GPSM2: variants seen among roughly 807,000 people sequenced by gnomAD.
GPSM2 encodes the protein G protein-signaling modulator 2.
A neutral mutation model predicts 78.4 loss-of-function variants in GPSM2; 58 were observed. The ratio of observed to expected loss-of-function variants is 0.74; its 90% CI spans 0.60 to 0.92. The LOEUF is 0.92. Ranked by LOEUF, GPSM2 falls within the 40% of genes least tolerant of loss-of-function variation. GPSM2 has a pLI of 0.00. For synonymous variants in GPSM2, 224 were observed against 280.2 expected (o/e 0.80, Z 2.00); for missense variants, 700 against 815.5 (o/e 0.86, Z 1.73).
Position 108,879,508 on chromosome 1 carries a change from G to GA in GPSM2, c.-249+2286dup, listed in dbSNP as rs1665789906. ...TCCAACTTGGCTATTCCTTTGTGGGGAAAAAATACCAGCAAGGTTCCCCAT... is the reference window on the plus strand; with the variant it reads ...TCCAACTTGGCTATTCCTTTGTGGGGAAAAAAATACCAGCAAGGTTCCCCAT... On this transcript the variant is annotated intron_variant, in intron 1 of 14. Coordinates refer to ENST00000264126, the MANE Select transcript of GPSM2 (RefSeq NM_013296.5). 2.0e-5 allele frequency among the ~76,000 whole-genome samples: 3 copies of GA among 152,260 alleles called. No individual in the cohort carries two copies. The South Asian group carries it at 6.2e-4, about 32-fold the overall frequency.
intron 13 of GPSM2, 124 bp from the exon 14 acceptor site, chr1:108,923,876 G>C (rs146473321): frequency 1.4e-6 from 1 of 723,604 alleles, no homozygotes; most frequent in Non-Finnish European, 2.5e-6. Context: ...ATAGCAGGAG[G>C]GCAGGGCGGG....
intron 3 of GPSM2, 129 bp from the exon 4 acceptor site, chr1:108,897,363 G>A (rs1181806556): frequency 2.4e-6 from 2 of 847,402 alleles, no homozygotes; most frequent in Admixed American, 2.6e-5. Context: ...CAAAGCCAAT[G>A]GGTTTTTCTT....
rs1407138048 is a variant in GPSM2, at chr1:108,898,982, C to T, written c.785C>T (p.Ser262Leu). 3.9e-6 allele frequency: 6 copies of T among 1,540,188 alleles called. No individual in the cohort carries two copies. Among genetic ancestry groups the T allele is most frequent in the Admixed American group, 3.3e-5 (2 of 59,906 alleles). The change falls in exon 7 of 15, where the codon TCG (serine) becomes TTG (leucine). Residue 262 changes from serine to leucine, a missense_variant. Coordinates refer to ENST00000264126, the MANE Select transcript of GPSM2 (RefSeq NM_013296.5). ...TTTCTTGGTGAATTTGAAACTGCCT[C>T]GGAATACTACAAGTTAGTCTAATAT... ...YIFLGEFETA[S>L]EYYKKTLLLA...
chr1:108,908,499 C>T (rs1014792396), intron 10 of GPSM2, among the ~76,000 whole-genome samples: 5 of 151,466 alleles, frequency 3.3e-5, no homozygotes, highest in African/African-American at 4.9e-5. Flanking sequence ...TTGGCTAACA[C>T]GGTGAAACCG....
chr1:108,899,161 G>A (rs1207503350), intron 7 of GPSM2, among the ~76,000 whole-genome samples, 167 bp downstream of exon 7: 1 of 152,146 alleles, frequency 6.6e-6, no homozygotes, highest in Non-Finnish European at 1.5e-5. Flanking sequence ...ATGCTGTGAG[G>A]ATTGAATGAA....
intron 10 of GPSM2, among the ~76,000 whole-genome samples, chr1:108,913,339 A>G (rs575851016): frequency 4.8e-4 from 73 of 152,330 alleles, no homozygotes; most frequent in African/African-American, 1.7e-3. Context: ...AATAAAATGG[A>G]TGATTTCCTA....
rs1200049122 is a variant in GPSM2 at position 108,933,568 on chromosome 1, CTT to C, written c.*3630_*3631del. On this transcript the variant is annotated 3_prime_UTR_variant, in exon 15 of 15. Transcript: ENST00000264126. ...AAATATCTGCATGAAAATTTAAAGACTTTATTCCTGACTGGTATCACTTTTAG... is the reference window on the plus strand; with the variant it reads ...AAATATCTGCATGAAAATTTAAAGACTATTCCTGACTGGTATCACTTTTAG... The C allele has an allele frequency of 2.6e-5, 4 of 152,360 alleles. No individual in the cohort carries two copies. Among genetic ancestry groups the C allele is most frequent in the South Asian group, 2.1e-4 (1 of 4,832 alleles). 9.4% of individuals were successfully genotyped at this position (152,360 alleles called of 1,614,324 possible).
At chr1:108,913,495 A>G (rs1288737675) in intron 10 of GPSM2, among the ~76,000 whole-genome samples, 1 of 152,226 alleles carries the variant, frequency 6.6e-6, no homozygotes, top group East Asian at 1.9e-4. Flanking sequence ...AGGTTTCTCA[A>G]AGATGGTTGC....
intron 2 of GPSM2, among the ~76,000 whole-genome samples, chr1:108,895,812 G>T (rs904347554): frequency 6.6e-6 from 1 of 152,028 alleles, no homozygotes; most frequent in Admixed American, 6.5e-5. Flanking sequence ...CCTGCCACCC[G>T]TCCATGGAAA....
chr1:108,929,005 A>T (rs1651420360), intron 14 of GPSM2, among the ~76,000 whole-genome samples: 1 of 145,638 alleles, frequency 6.9e-6, no homozygotes, highest in South Asian at 2.2e-4. Context: ...AAAAAAAAAA[A>T]AATTCATTCT....
intron 14 of GPSM2, among the ~76,000 whole-genome samples, chr1:108,924,845 G>A (rs963407594): frequency 2.6e-5 from 4 of 152,098 alleles, no homozygotes; most frequent in African/African-American, 4.8e-5. Context: ...TGATAAAGTC[G>A]TGTTTTAGAT....
At chr1:108,898,525 C>T (rs1430940297) in intron 5 of GPSM2, 117 bp from the exon 6 acceptor site, 10 of 863,262 alleles carry the variant, frequency 1.2e-5, no homozygotes, top group South Asian at 4.6e-5. Flanking sequence ...AAATGTTGCA[C>T]ATTATGGCTG....
rs781512168 is a variant in GPSM2, at chr1:108,922,518, G to C, written c.1542G>C (p.Lys514Asn). ...ATCAGAGATGTTGCTTACAAGAAAA[G>C]AACTGCCATACAGCTTCAACAACAA... ...MDDQRCCLQE[K>N]NCHTASTTTS... The change falls in exon 13 of 15, where the codon AAG becomes AAC. Residue 514 changes from lysine (K) to asparagine (N), a missense_variant. Transcript: ENST00000264126. 31 of 1,609,456 alleles carry C rather than the reference G, an allele frequency of 1.9e-5. No individual in the cohort carries two copies. Among genetic ancestry groups the C allele is most frequent in the Non-Finnish European group, 8.5e-7 (1 of 1,178,778 alleles).
At chr1:108,911,799 ATTTTTTTTTT>A (rs71069618) in intron 10 of GPSM2, among the ~76,000 whole-genome samples, 2 of 108,720 alleles carry the variant, frequency 1.8e-5, no homozygotes, top group Non-Finnish European at 3.5e-5. Flanking sequence ...TGGGAAGACA[ATTTTTTTTTT>A]TTTTTTTTTT....
At chr1:108,889,630 A>C (rs1346837951) in intron 2 of GPSM2, among the ~76,000 whole-genome samples, 1 of 152,164 alleles carries the variant, frequency 6.6e-6, no homozygotes, top group African/African-American at 2.4e-5. Context: ...ATGGGGAGGA[A>C]AGTCTTTGAA....
chr1:108,897,545 C>T lies in GPSM2; in HGVS notation c.332C>T (p.Thr111Ile). Residue 111 changes from threonine to isoleucine, a missense_variant, in exon 4 of 15, where the codon ACC (threonine) becomes ATC (isoleucine). By Grantham distance (89) the Thr-to-Ile change is moderately conservative. Transcript: ENST00000264126. Reference protein sequence around the residue: ...EAKASGNLGNTLKVLGNFDEA... With the variant: ...EAKASGNLGNILKVLGNFDEA... The stretch of plus-strand genomic sequence containing the variant: ...AAAGCTAGTGGTAATCTGGGAAACA[C>T]CTTAAAAGTTCTTGGGAATTTTGAC... 1 of 1,613,206 alleles carries T rather than the reference C, an allele frequency of 6.2e-7. No individual in the cohort carries two copies. The highest frequency in any genetic ancestry group is 8.5e-7 in the Non-Finnish European group (1 of 1,179,516).
In GPSM2 at chr1:108,898,041, A is replaced by T. The variant is rs759445588; in HGVS notation, c.497A>T (p.Asp166Val). 2 of 1,614,100 alleles carry T rather than the reference A, an allele frequency of 1.2e-6. No individual in the cohort carries two copies. The highest frequency in any genetic ancestry group is 2.7e-5 in the African/African-American group (2 of 75,060). Residue 166 changes from aspartate (D) to valine (V), a missense_variant, in exon 5 of 15, where the codon GAT becomes GTT. Asp to Val is a radical substitution (Grantham distance 152). Coordinates refer to ENST00000264126, the MANE Select transcript of GPSM2 (RefSeq NM_013296.5). ...GKSFGCPGPQ[D>V]VGEFPEEVRD... The stretch of plus-strand genomic sequence containing the variant: ...AGTTTTGGTTGCCCTGGTCCCCAGG[A>T]TGTAGGAGAATTTCCAGAAGAAGTG...
chr1:108,924,139 G>C lies in GPSM2; in HGVS notation c.1740G>C (p.Ser580=). ...TTCGTCTAACACAAAACAGCCAGTC[G>C]GTACTTAGCCACCTGATGACTAATG... ...PGLRLTQNSQ[S]VLSHLMTNDN... is the part of the protein sequence containing the mutation. Residue 580 remains serine, a synonymous_variant, in exon 14 of 15, where the codon TCG becomes TCC. Coordinates refer to ENST00000264126, the MANE Select transcript of GPSM2 (RefSeq NM_013296.5). 1 of 1,613,722 alleles carries C rather than the reference G, an allele frequency of 6.2e-7. No individual in the cohort carries two copies. Among genetic ancestry groups the C allele is most frequent in the South Asian group, 1.1e-5 (1 of 91,072 alleles).
At position 108,931,236 on chromosome 1, in the gene GPSM2, C is replaced by G. The variant is rs773286264; in HGVS notation, c.*1296C>G. 5.8e-6 allele frequency: 8 copies of G among 1,390,122 alleles called. No homozygotes were observed. Among genetic ancestry groups the G allele is most frequent in the Non-Finnish European group, 7.6e-6 (8 of 1,050,704 alleles). The allele number at this position is 1,390,122 out of a possible 1,614,324, so 86.1% of individuals were successfully genotyped here. Reference sequence around the variant, plus strand: ...TAAACAAACAGAAAACAGATGAAAACTCACAAAAATTAAATATGAAAGAAA... The same window carrying G: ...TAAACAAACAGAAAACAGATGAAAAGTCACAAAAATTAAATATGAAAGAAA... On this transcript the variant is annotated 3_prime_UTR_variant, in exon 15 of 15. Transcript: ENST00000264126.
Sources: gnomAD v4.1 joint callset for allele counts (sites outside exome capture counted in the v4.1 genomes callset) on GRCh38, gnomAD v4.1.1 for gene constraint, MANE v1.5 for transcripts, NCBI Gene and HGNC (gene_info 2026-07-23, HGNC 2026-07-21) for gene names.